Variants in TNIK observed in about 807,000 individuals in gnomAD.
The protein encoded by TNIK is TRAF2 and NCK-interacting protein kinase.
In TNIK, 49 loss-of-function variants were observed where a neutral mutation model predicts 191.3. That is an observed-to-expected ratio of 0.26 (90% CI 0.20 to 0.32). The LOEUF (loss-of-function observed/expected upper bound fraction) is 0.32, where lower values mean the gene tolerates loss of function less well. TNIK is among the 10% of genes least tolerant of loss of function. TNIK has a pLI of 1.00. For synonymous variants in TNIK, 594 were observed against 600.9 expected (o/e 0.99, Z 0.17); for missense variants, 1,155 against 1,702.3 (o/e 0.68, Z 5.66).
intron 2 of TNIK, among the ~76,000 whole-genome samples, chr3:171,302,728 GA>G (rs1375400048): frequency 6.6e-6 from 1 of 152,160 alleles, no homozygotes. Flanking sequence ...TATCTAAAGA[GA>G]AAAATCAGAA....
At chr3:171,206,054 C>T (rs1447173417) in intron 4 of TNIK, among the ~76,000 whole-genome samples, 2 of 152,112 alleles carry the variant, frequency 1.3e-5, no homozygotes, top group African/African-American at 2.4e-5. Flanking sequence ...TAGTACTCCA[C>T]CAGGTACTTA....
At chr3:171,175,377 C>A in intron 8 of TNIK, 47 bp from the exon 9 acceptor site, 1 of 1,530,180 alleles carries the variant, frequency 6.5e-7, no homozygotes, top group Non-Finnish European at 8.9e-7. Context: ...GAGGCCAAAC[C>A]CAGGCCAAGC....
At chr3:171,310,392 C>T (rs1753892611) in intron 2 of TNIK, among the ~76,000 whole-genome samples, 7 of 151,912 alleles carry the variant, frequency 4.6e-5, no homozygotes, top group Admixed American at 4.6e-4. Flanking sequence ...TCAAAATTTA[C>T]AATTTTAGGG....
At chr3:171,440,107 A>G (rs937379106) in intron 1 of TNIK, among the ~76,000 whole-genome samples, 3 of 152,098 alleles carry the variant, frequency 2.0e-5, no homozygotes, top group African/African-American at 7.2e-5. Context: ...GAATGACCAC[A>G]ATGATTACTG....
intron 2 of TNIK, among the ~76,000 whole-genome samples, chr3:171,254,848 A>G (rs544771673): frequency 2.0e-5 from 3 of 152,226 alleles, no homozygotes; most frequent in Non-Finnish European, 4.4e-5. Context: ...CAGAAAAGCT[A>G]TTTTCAGAAA....
intron 2 of TNIK, among the ~76,000 whole-genome samples, chr3:171,264,036 G>GTA (rs1190416740): frequency 1.8e-4 from 27 of 148,064 alleles, no homozygotes; most frequent in African/African-American, 4.9e-4. Context: ...GTGTGTGTGT[G>GTA]TATATATATG....
At chr3:171,381,636 G>A (rs1043516165) in intron 1 of TNIK, among the ~76,000 whole-genome samples, 1 of 152,154 alleles carries the variant, frequency 6.6e-6, no homozygotes, top group African/African-American at 2.4e-5. Context: ...TTTTATTTGG[G>A]AGGAAATGCA....
At chr3:171,117,554 A>T (rs1726940206) in intron 18 of TNIK, among the ~76,000 whole-genome samples, 1 of 149,408 alleles carries the variant, frequency 6.7e-6, no homozygotes, top group South Asian at 2.1e-4. Flanking sequence ...TAAATACAGA[A>T]ATAAATAATA....
intron 7 of TNIK, among the ~76,000 whole-genome samples, chr3:171,186,413 A>C (rs1439218512): frequency 1.3e-5 from 2 of 152,368 alleles, no homozygotes; most frequent in Admixed American, 6.5e-5. Context: ...GATTTGTCTA[A>C]GATGTCTTTG....
chr3:171,234,886 C>T (rs890619100), intron 2 of TNIK, among the ~76,000 whole-genome samples: 1 of 152,110 alleles, frequency 6.6e-6, no homozygotes, highest in Non-Finnish European at 1.5e-5. Flanking sequence ...TGGGCCAGGG[C>T]CTTGCGCCAA....
chr3:171,081,974 C>G (rs550386610), intron 27 of TNIK, among the ~76,000 whole-genome samples: 114 of 152,294 alleles, frequency 7.5e-4, no homozygotes, highest in African/African-American at 2.7e-3. Context: ...ATCCGAAGAT[C>G]CTTGCTGAGT....
At chr3:171,302,868 C>T (rs1437165022) in intron 2 of TNIK, among the ~76,000 whole-genome samples, 3 of 152,190 alleles carry the variant, frequency 2.0e-5, no homozygotes, top group Non-Finnish European at 4.4e-5. Context: ...TCTCCATCTC[C>T]TCCACCATCT....
chr3:171,396,296 T>C (rs1324886894), intron 1 of TNIK, among the ~76,000 whole-genome samples: 2 of 152,246 alleles, frequency 1.3e-5, no homozygotes, highest in Non-Finnish European at 2.9e-5. Context: ...TTCATTCCTT[T>C]TTATGGCCAA....
chr3:171,230,566 T>C (rs1056603088), intron 2 of TNIK, among the ~76,000 whole-genome samples: 3 of 152,136 alleles, frequency 2.0e-5, no homozygotes, highest in African/African-American at 7.2e-5. Context: ...CTGTGGACCT[T>C]GAGAACAAAC....
chr3:171,311,880 T>A (rs1254468807), intron 2 of TNIK, among the ~76,000 whole-genome samples: 1 of 151,990 alleles, frequency 6.6e-6, no homozygotes, highest in African/African-American at 2.4e-5. Flanking sequence ...GCCACCTAGA[T>A]TTTTATAGCC....
intron 3 of TNIK, among the ~76,000 whole-genome samples, chr3:171,218,804 TTAAATACA>T (rs1560277832): frequency 7.0e-6 from 1 of 142,896 alleles, no homozygotes; most frequent in East Asian, 2.0e-4. Flanking sequence ...ATATTATATA[TTAAATACA>T]TATTTTTATA....
At position 171,086,478 on chromosome 3, in the gene TNIK, A is replaced by G. The variant is rs567477182; in HGVS notation, c.2886+864T>C. On this transcript the variant is annotated intron_variant, in intron 24 of 32. Transcript: ENST00000436636. ...CTCCTTGGTACCAAGAGAGGTGTTC[A>G]GGCAGAAAATGCCCACACAGCATGA... 2.0e-5 allele frequency among the ~76,000 whole-genome samples: 3 copies of G among 152,344 alleles called. No individual in the cohort carries two copies. In the East Asian group the frequency reaches 5.8e-4, roughly 29 times the overall value.
At position 171,108,170 on chromosome 3, in the gene TNIK, A is replaced by C. The variant is rs199741418; in HGVS notation, c.2285-8T>G. The stretch of plus-strand genomic sequence containing the variant: ...CTTCTGACTTACTGTTGGCTAGAGG[A>C]AAAAAACAGAGGACCAAGAAAGAGA... On this transcript the variant is annotated splice_region_variant and splice_polypyrimidine_tract_variant and intron_variant, in intron 19 of 32. Coordinates refer to ENST00000436636, the MANE Select transcript of TNIK (RefSeq NM_015028.4). 34 of 1,529,000 alleles carry C rather than the reference A, an allele frequency of 2.2e-5. No individual in the cohort carries two copies. Among genetic ancestry groups the C allele is most frequent in the East Asian group, 2.4e-5 (1 of 41,162 alleles). The allele number at this position is 1,529,000 out of a possible 1,614,324, so 94.7% of individuals were successfully genotyped here. A position where few individuals can be genotyped will look rare whatever the true frequency, so the allele number is the denominator to read the frequency against.
chr3:171,455,474 CAA>C (rs1728685337), intron 1 of TNIK, among the ~76,000 whole-genome samples: 1 of 148,938 alleles, frequency 6.7e-6, no homozygotes, highest in African/African-American at 2.5e-5. Flanking sequence ...CTCCTGGTTT[CAA>C]GCAGTCCTCC....
Sources: allele counts gnomAD v4.1 joint callset (sites outside exome capture counted in the v4.1 genomes callset), GRCh38; gene constraint gnomAD v4.1.1; transcripts MANE v1.5; gene names NCBI Gene and HGNC (gene_info 2026-07-23, HGNC 2026-07-21).